HMCN2: variants seen among roughly 807,000 people sequenced by gnomAD.
HMCN2 encodes the protein hemicentin 2, also known as hemicentin-2.
A neutral mutation model predicts 377.5 loss-of-function variants in HMCN2; 325 were observed. That is an observed-to-expected ratio of 0.86 (90% CI 0.79 to 0.94). HMCN2 has a LOEUF of 0.94. HMCN2 is among the 40% of genes least tolerant of loss of function. The probability of loss-of-function intolerance (pLI) is 0.00; values close to 1 mark genes in which losing one functional copy is unlikely to be tolerated. For synonymous variants in HMCN2, 2,007 were observed against 2,046.8 expected (o/e 0.98, Z 0.53); for missense variants, 4,543 against 4,725.3 (o/e 0.96, Z 1.13).
chr9:130,276,661 A>G (rs1165511527), intron 1 of HMCN2, among the ~76,000 whole-genome samples: 1 of 152,172 alleles, frequency 6.6e-6, no homozygotes, highest in East Asian at 1.9e-4. Flanking sequence ...CTCTTTGGGC[A>G]GAACCACCCA....
rs866680434 is a variant in HMCN2, at chr9:130,377,699, C to T, written c.8112C>T (p.Leu2704=). 16 of 985,840 alleles carry T rather than the reference C, an allele frequency of 1.6e-5. 1 individual carries two copies. The Admixed American group carries it at 3.1e-4, about 19-fold the overall frequency. The allele number at this position is 985,840 out of a possible 1,614,324, so 61.1% of individuals were successfully genotyped here. A position where few individuals can be genotyped will look rare whatever the true frequency, so the allele number is the denominator to read the frequency against. ...RLQVLGEGRL[L]QIQPTQVSDS... ...AGGTCCTGGGTGAAGGGCGACTGCT[C>T]CAGATCCAGCCCACACAGGTCTCAG... The change falls in exon 53 of 98, where the codon CTC becomes CTT. Residue 2704 remains leucine (L), a synonymous_variant. Transcript: ENST00000683500.
chr9:130,329,943 T>C (rs1184222124), intron 22 of HMCN2, among the ~76,000 whole-genome samples: 3 of 151,826 alleles, frequency 2.0e-5, no homozygotes, highest in African/African-American at 7.3e-5. Context: ...CAGTGAGACT[T>C]TCTGTCTGTC....
rs996842474 is a variant in HMCN2, at chr9:130,404,896, C to A, written c.12176C>A (p.Pro4059Gln). 7.8e-7 allele frequency: 1 copy of A among 1,281,574 alleles called. No individual in the cohort carries two copies. Among genetic ancestry groups the A allele is most frequent in the Admixed American group, 2.3e-5 (1 of 42,734 alleles). The allele number at this position is 1,281,574 out of a possible 1,614,324, so 79.4% of individuals were successfully genotyped here. A position where few individuals can be genotyped will look rare whatever the true frequency, so the allele number is the denominator to read the frequency against. ...CCACCAGTGATCGAGAATGGCCTCCCAGACCTGTCCACCACCGAAGGCTCC... is the reference window on the plus strand; with the variant it reads ...CCACCAGTGATCGAGAATGGCCTCCAAGACCTGTCCACCACCGAAGGCTCC... ...QVPPVIENGL[P>Q]DLSTTEGSHA... Residue 4059 changes from proline (P) to glutamine (Q), a missense_variant, in exon 81 of 98, where the codon CCA becomes CAA. Physicochemically the swap from Pro to Gln is moderately conservative, Grantham distance 76. This residue lies in a region of HMCN2 where 1,073 missense variants were observed against 1,319.5 expected (regional missense o/e 0.81). Coordinates refer to ENST00000683500, the MANE Select transcript of HMCN2 (RefSeq NM_001291815.2).
rs963347765 is a variant in HMCN2 at position 130,398,685 on chromosome 9, C to A, written c.11461C>A (p.Arg3821Ser). The change falls in exon 75 of 98, where the codon CGC becomes AGC. Residue 3821 changes from arginine to serine, a missense_variant. Physicochemically the swap from Arg to Ser is moderately radical, Grantham distance 110. Around this residue, in one of 5 missense-constraint regions of HMCN2, gnomAD observed 1,073 missense variants for 1,319.5 expected, o/e 0.81. Coordinates refer to ENST00000683500, the MANE Select transcript of HMCN2 (RefSeq NM_001291815.2). ...WWKDGQKLDFRLQQGAYRLLP... is the reference protein window; with the variant it reads ...WWKDGQKLDFSLQQGAYRLLP... ...GAAGGACGGACAGAAGCTGGACTTCCGCCTGCAGCAGGGCGCCTACCGGTA... is the reference window on the plus strand; with the variant it reads ...GAAGGACGGACAGAAGCTGGACTTCAGCCTGCAGCAGGGCGCCTACCGGTA... The A allele has an allele frequency of 7.8e-7, 1 of 1,289,400 alleles. No homozygotes were observed. The highest frequency in any genetic ancestry group is 1.0e-6 in the Non-Finnish European group (1 of 988,634). 79.9% of individuals were successfully genotyped at this position (1,289,400 alleles called of 1,614,324 possible). A position where few individuals can be genotyped will look rare whatever the true frequency, so the allele number is the denominator to read the frequency against.
At chr9:130,371,414 G>GAAAAAAA (rs10659347) in intron 46 of HMCN2, among the ~76,000 whole-genome samples, 1 of 147,028 alleles carries the variant, frequency 6.8e-6, no homozygotes. Flanking sequence ...AAGTCCTGCA[G>GAAAAAAA]AAAAAAAAAA....
In HMCN2 at chr9:130,361,327, G is replaced by A. The variant is rs1197204768; in HGVS notation, c.5951-681G>A. Among the ~76,000 whole-genome samples, 1 of 152,222 alleles carries A rather than the reference G, an allele frequency of 6.6e-6. No individual in the cohort carries two copies. Among genetic ancestry groups the A allele is most frequent in the Non-Finnish European group, 1.5e-5 (1 of 68,040 alleles). ...CCTGTGGAGTCCAGGAGGCATCTTT[G>A]ACACTTGGATACCTACACTGAGGTC... is the stretch of plus-strand genomic sequence containing the variant. On this transcript the variant is annotated intron_variant, in intron 38 of 97. Transcript: ENST00000683500. This position sits in a 1 kb window ranked among gnomAD's most constrained non-coding sequence, Gnocchi z 4.8.
chr9:130,278,282 G>T (rs1056914118), intron 1 of HMCN2, among the ~76,000 whole-genome samples: 1 of 151,466 alleles, frequency 6.6e-6, no homozygotes. Context: ...CCACCACCAC[G>T]CCCGGCTAAT....
At position 130,377,754 on chromosome 9, in the gene HMCN2, A is replaced by C. The variant is rs1841472062; in HGVS notation, c.8167A>C (p.Asn2723His). The C allele has an allele frequency of 4.1e-6, 4 of 985,778 alleles. No individual in the cohort carries two copies. In the South Asian group the frequency reaches 1.9e-4, roughly 46 times the overall value. The allele number at this position is 985,778 out of a possible 1,614,324, so 61.1% of individuals were successfully genotyped here. A position where few individuals can be genotyped will look rare whatever the true frequency, so the allele number is the denominator to read the frequency against. The change falls in exon 53 of 98, where the codon AAT becomes CAT. Residue 2723 changes from asparagine to histidine, a missense_variant. Physicochemically the swap from Asn to His is moderately conservative, Grantham distance 68. Coordinates refer to ENST00000683500, the MANE Select transcript of HMCN2 (RefSeq NM_001291815.2). The stretch of plus-strand genomic sequence containing the variant: ...GGGGCGGTACCTGTGTGTGGCCACC[A>C]ATGTGGCTGGCGAGGACGACCAGGA... Reference protein sequence around the residue: ...DSGRYLCVATNVAGEDDQDFN... With the variant: ...DSGRYLCVATHVAGEDDQDFN...
chr9:130,365,599 C>T (rs117015073), intron 41 of HMCN2, 32 bp from the exon 42 acceptor site: 28,263 of 959,116 alleles, frequency 0.029, 480 homozygotes, highest in Middle Eastern at 0.05. Flanking sequence ...TCTGTGCGTC[C>T]CCTCCCATGG....
Position 130,365,856 on chromosome 9 carries a change from CT to C in HMCN2, c.6506-19del, listed in dbSNP as rs2131581876. On this transcript the variant is annotated intron_variant, in intron 42 of 97. Transcript: ENST00000683500. ...CATCTCAGCCCCACCCCCACTAACTCTCTCTCTGCTCTGACTCAGTTGCTCC... is the reference window on the plus strand; with the variant it reads ...CATCTCAGCCCCACCCCCACTAACTCCTCTCTGCTCTGACTCAGTTGCTCC... 2 of 985,572 alleles carry C rather than the reference CT, an allele frequency of 2.0e-6. No homozygotes were observed. Among genetic ancestry groups the C allele is most frequent in the Non-Finnish European group, 2.4e-6 (2 of 829,690 alleles). The allele number at this position is 985,572 out of a possible 1,614,324, so 61.1% of individuals were successfully genotyped here.
chr9:130,352,960 G>A lies in HMCN2; in HGVS notation c.4619G>A (p.Gly1540Asp), dbSNP rs1429709149. The A allele has an allele frequency of 1.2e-5, 15 of 1,300,736 alleles. No homozygotes were observed. The East Asian group carries it at 8.3e-4, about 72-fold the overall frequency. 80.6% of individuals were successfully genotyped at this position (1,300,736 alleles called of 1,614,324 possible). A position where few individuals can be genotyped will look rare whatever the true frequency, so the allele number is the denominator to read the frequency against. ...PPTIWGSNET[G>D]EVAVMEDHLV... ...ACTATCTGGGGCTCCAACGAGACAG[G>A]CGAGGTGGCCGTCATGGAGGACCAC... Residue 1540 changes from glycine to aspartate, a missense_variant, in exon 31 of 98, where the codon GGC (glycine) becomes GAC (aspartate). Physicochemically the swap from Gly to Asp is moderately conservative, Grantham distance 94. Around this residue, in one of 5 missense-constraint regions of HMCN2, gnomAD observed 1,032 missense variants for 1,285.1 expected, o/e 0.80. Transcript: ENST00000683500.
intron 85 of HMCN2, among the ~76,000 whole-genome samples, chr9:130,417,383 G>C (rs757953431): frequency 1.3e-5 from 2 of 151,480 alleles, no homozygotes; most frequent in African/African-American, 4.9e-5. Context: ...TTAGCCAGGC[G>C]TGGTGGCACA....
chr9:130,357,951 A>G lies in HMCN2; in HGVS notation c.5543A>G (p.Asp1848Gly). The G allele has an allele frequency of 1.5e-6, 2 of 1,304,128 alleles. No homozygotes were observed. Among genetic ancestry groups the G allele is most frequent in the South Asian group, 2.5e-5 (2 of 81,024 alleles). 80.8% of individuals were successfully genotyped at this position (1,304,128 alleles called of 1,614,324 possible). The stretch of plus-strand genomic sequence containing the variant: ...ACCCCAAGCCTCCGTTGGTGGAAGG[A>G]TGGTGTAGCCCTGGCAGCCTTTGGG... ...VPTPSLRWWK[D>G]GVALAAFGGN... Residue 1848 changes from aspartate (D) to glycine (G), a missense_variant, in exon 35 of 98, where the codon GAT becomes GGT. By Grantham distance (94) the Asp-to-Gly change is moderately conservative. Transcript: ENST00000683500.
chr9:130,353,119 C>T lies in HMCN2; in HGVS notation c.4778C>T (p.Ala1593Val). ...RGGRQLQLGR[A>V]QSSDAGVYTC... Reference sequence around the variant, plus strand: ...GGTCGGCAGTTGCAGCTGGGGAGGGCCCAGAGCTCCGATGCCGGCGTCTAC... The same window carrying T: ...GGTCGGCAGTTGCAGCTGGGGAGGGTCCAGAGCTCCGATGCCGGCGTCTAC... Residue 1593 changes from alanine to valine, a missense_variant, in exon 31 of 98, where the codon GCC (alanine) becomes GTC (valine). Coordinates refer to ENST00000683500, the MANE Select transcript of HMCN2 (RefSeq NM_001291815.2). The T allele has an allele frequency of 7.7e-7, 1 of 1,304,178 alleles. No homozygotes were observed. Among genetic ancestry groups the T allele is most frequent in the Admixed American group, 2.3e-5 (1 of 43,568 alleles). The allele number at this position is 1,304,178 out of a possible 1,614,324, so 80.8% of individuals were successfully genotyped here. A position where few individuals can be genotyped will look rare whatever the true frequency, so the allele number is the denominator to read the frequency against.
In HMCN2 at chr9:130,430,543, G is replaced by T. The variant is rs1257902855; in HGVS notation, c.14586G>T (p.Leu4862=). Residue 4862 remains leucine (L), a synonymous_variant, in exon 95 of 98, where the codon CTG becomes CTT. Coordinates refer to ENST00000683500, the MANE Select transcript of HMCN2 (RefSeq NM_001291815.2). ...CTCTCCGTCCGGGTCCCATGGCCCTGAGCAGTGTGGGCCGGGCCTGGTGCC... is the reference window on the plus strand; with the variant it reads ...CTCTCCGTCCGGGTCCCATGGCCCTTAGCAGTGTGGGCCGGGCCTGGTGCC... The part of the protein sequence containing the change: ...WVSLRPGPMA[L]SSVGRAWCPP... 6.4e-7 allele frequency: 1 copy of T among 1,550,586 alleles called. No individual in the cohort carries two copies. Among genetic ancestry groups the T allele is most frequent in the South Asian group, 1.2e-5 (1 of 84,058 alleles).
intron 1 of HMCN2, among the ~76,000 whole-genome samples, chr9:130,280,462 G>A (rs1835055280): frequency 6.6e-6 from 1 of 151,706 alleles, no homozygotes; most frequent in African/African-American, 2.4e-5. Flanking sequence ...GTGAGCCACC[G>A]CGCCTGGCCT....
intron 66 of HMCN2, among the ~76,000 whole-genome samples, chr9:130,392,767 C>G (rs548394658): frequency 6.6e-5 from 10 of 152,062 alleles, no homozygotes; most frequent in Admixed American, 5.2e-4. Flanking sequence ...GAGGCCAAGG[C>G]GGGCAGATTA....
chr9:130,281,246 A>G (rs1210846688), intron 1 of HMCN2, among the ~76,000 whole-genome samples: 1 of 152,114 alleles, frequency 6.6e-6, no homozygotes, highest in African/African-American at 2.4e-5. Flanking sequence ...CTGGGCTCAT[A>G]TCCCAGCACT....
In HMCN2 at chr9:130,414,048, A is replaced by C. The variant is rs535873397; in HGVS notation, c.12961+3396A>C. ...GTGGCGCACACCTGTAATCCCAGCT[A>C]CTTGGGAGGCAAACACCATGAAAAA... On this transcript the variant is annotated intron_variant, in intron 85 of 97. Transcript: ENST00000683500. The surrounding 1 kb of genome is among the most constrained non-coding windows in gnomAD (Gnocchi z 4.4). Among the ~76,000 whole-genome samples the C allele has an allele frequency of 4.6e-4, 70 of 151,226 alleles. 2 individuals are homozygous for C. Among genetic ancestry groups the C allele is most frequent in the African/African-American group, 1.6e-3 (68 of 41,234 alleles).
Sources: gnomAD v4.1 joint callset for allele counts (sites outside exome capture counted in the v4.1 genomes callset) on GRCh38, gnomAD v4.1.1 for gene constraint, gnomAD v4.1.1 regional missense constraint, Gnocchi (gnomAD v3.1) non-coding constraint, MANE v1.5 for transcripts, NCBI Gene and HGNC (gene_info 2026-07-23, HGNC 2026-07-21) for gene names.